The following DIAPH3 variants were observed in gnomAD, a reference collection of about 807,000 sequenced individuals.
The protein encoded by DIAPH3 is protein diaphanous homolog 3.
Under a neutral mutation model 144.3 loss-of-function variants are expected in DIAPH3, and 117 were observed. The ratio of observed to expected loss-of-function variants is 0.81; its 90% CI spans 0.70 to 0.95. The LOEUF (loss-of-function observed/expected upper bound fraction) is 0.95, where lower values mean the gene tolerates loss of function less well. Among genes scored for constraint, DIAPH3 ranks in the 40% least tolerant of loss-of-function variants. The pLI is 0.00. For synonymous variants in DIAPH3, 519 were observed against 488.9 expected (o/e 1.06, Z -0.81); for missense variants, 1,421 against 1,412.7 (o/e 1.01, Z -0.09).
intron 4 of DIAPH3, among the ~76,000 whole-genome samples, chr13:60,058,687 T>TACACAC (rs1480427801): frequency 6.6e-6 from 1 of 151,912 alleles, no homozygotes. Context: ...TGTATATATA[T>TACACAC]ACACACATAC....
intron 17 of DIAPH3, among the ~76,000 whole-genome samples, chr13:59,932,106 C>A (rs1454831466): frequency 6.6e-6 from 1 of 152,074 alleles, no homozygotes; most frequent in Non-Finnish European, 1.5e-5. Context: ...TTAACCTGAC[C>A]AAATAGCAAT....
At chr13:59,759,716 T>C (rs1038530117) in intron 27 of DIAPH3, among the ~76,000 whole-genome samples, 12 of 151,736 alleles carry the variant, frequency 7.9e-5, no homozygotes, top group African/African-American at 2.7e-4. Context: ...GAGGCAGAGG[T>C]GGGTGGATCA....
At chr13:60,122,985 A>C (rs1309783530) in intron 2 of DIAPH3, among the ~76,000 whole-genome samples, 1 of 152,132 alleles carries the variant, frequency 6.6e-6, no homozygotes, top group African/African-American at 2.4e-5. Context: ...ATTACATTTT[A>C]TTTTAAAAAG....
intron 17 of DIAPH3, among the ~76,000 whole-genome samples, chr13:59,927,819 T>C (rs374229474): frequency 6.6e-6 from 1 of 152,232 alleles, no homozygotes; most frequent in East Asian, 1.9e-4. Flanking sequence ...AAATCACTCT[T>C]TGCCTTTGCC....
chr13:59,861,539 A>G lies in DIAPH3; in HGVS notation c.2608-3T>C, dbSNP rs201176225. The G allele has an allele frequency of 2.6e-5, 42 of 1,613,614 alleles. 1 individual carries two copies. In the East Asian group the frequency reaches 9.2e-4, roughly 35 times the overall value. ...TCTGCTGATTTTGTGTCCTTTAGCT[A>G]AATAGAACAGGAGGGAGAAAAAACA... On this transcript the variant is annotated splice_polypyrimidine_tract_variant and splice_region_variant and intron_variant, in intron 21 of 27. Transcript: ENST00000400324.
intron 24 of DIAPH3, among the ~76,000 whole-genome samples, chr13:59,818,674 G>T (rs907671538): frequency 6.6e-6 from 1 of 151,710 alleles, no homozygotes; most frequent in African/African-American, 2.4e-5. Flanking sequence ...TATACAAGTG[G>T]TAGGCCTTGT....
chr13:59,887,994 T>G (rs2045557459), intron 20 of DIAPH3, among the ~76,000 whole-genome samples: 1 of 152,120 alleles, frequency 6.6e-6, no homozygotes, highest in South Asian at 2.1e-4. Context: ...GAAAGATACC[T>G]TCTTGGAAAT....
intron 3 of DIAPH3, among the ~76,000 whole-genome samples, chr13:60,100,941 A>G (rs964590078): frequency 7.9e-5 from 12 of 152,178 alleles, no homozygotes; most frequent in Admixed American, 3.3e-4. Context: ...AGTAGGTCAG[A>G]CACAGGTAAC....
chr13:59,845,654 T>G (rs1024971982), intron 22 of DIAPH3, among the ~76,000 whole-genome samples: 1 of 152,228 alleles, frequency 6.6e-6, no homozygotes, highest in Non-Finnish European at 1.5e-5. Context: ...CTGGAAATAA[T>G]GTGTGTCTAT....
chr13:60,029,562 T>C (rs2054634858), intron 5 of DIAPH3, among the ~76,000 whole-genome samples: 1 of 152,190 alleles, frequency 6.6e-6, no homozygotes, highest in African/African-American at 2.4e-5. Context: ...CTGATGGCTT[T>C]ATAAGGGGAA....
intron 24 of DIAPH3, among the ~76,000 whole-genome samples, chr13:59,819,943 A>G (rs539176614): frequency 1.3e-5 from 2 of 151,922 alleles, no homozygotes; most frequent in Non-Finnish European, 2.9e-5. Context: ...CAATACAAGG[A>G]TATTTTAAGA....
chr13:59,949,590 T>C (rs891989293), intron 17 of DIAPH3, among the ~76,000 whole-genome samples: 40 of 152,150 alleles, frequency 2.6e-4, no homozygotes, highest in Non-Finnish European at 1.6e-4. Context: ...GAGGAACACA[T>C]ATATGACCAT....
intron 24 of DIAPH3, among the ~76,000 whole-genome samples, chr13:59,817,467 C>T (rs2040837205): frequency 6.6e-6 from 1 of 151,746 alleles, no homozygotes; most frequent in Admixed American, 6.6e-5. Context: ...GTCAATTGTA[C>T]CTATTAACAT....
At chr13:60,070,716 A>G (rs2057174938) in intron 4 of DIAPH3, among the ~76,000 whole-genome samples, 1 of 152,186 alleles carries the variant, frequency 6.6e-6, no homozygotes, top group African/African-American at 2.4e-5. Flanking sequence ...AATCTGACTA[A>G]CACTGCCATA....
intron 1 of DIAPH3, among the ~76,000 whole-genome samples, chr13:60,146,456 T>C (rs1951528637): frequency 6.6e-6 from 1 of 152,230 alleles, no homozygotes; most frequent in Non-Finnish European, 1.5e-5. Context: ...TTCATCTCCT[T>C]AATGCTTTCC....
intron 17 of DIAPH3, among the ~76,000 whole-genome samples, chr13:59,942,725 T>C (rs2048596445): frequency 6.6e-6 from 1 of 152,140 alleles, no homozygotes; most frequent in African/African-American, 2.4e-5. Flanking sequence ...AAAAGATGTA[T>C]ACACATGTAT....
At chr13:59,759,700 C>T (rs941506018) in intron 27 of DIAPH3, among the ~76,000 whole-genome samples, 5 of 152,114 alleles carry the variant, frequency 3.3e-5, no homozygotes, top group African/African-American at 1.2e-4. Context: ...GGCACAGTGG[C>T]TTTGGGAGGC....
intron 5 of DIAPH3, among the ~76,000 whole-genome samples, chr13:60,032,099 A>G (rs1022398652): frequency 9.2e-5 from 14 of 152,176 alleles, no homozygotes; most frequent in South Asian, 2.1e-4. Flanking sequence ...CATTGGTACA[A>G]GGGGTGGGCT....
intron 21 of DIAPH3, among the ~76,000 whole-genome samples, chr13:59,864,439 C>T (rs1298104822): frequency 1.3e-5 from 2 of 152,006 alleles, no homozygotes; most frequent in Non-Finnish European, 2.9e-5. Context: ...TTTTACTAGT[C>T]TACACCCTTG....
Sources: gnomAD v4.1 joint callset for allele counts (sites outside exome capture counted in the v4.1 genomes callset) on GRCh38, gnomAD v4.1.1 for gene constraint, MANE v1.5 for transcripts, NCBI Gene and HGNC (gene_info 2026-07-23, HGNC 2026-07-21) for gene names.